The following SLFN12L variants were observed in gnomAD, a reference collection of about 807,000 sequenced individuals.
The protein encoded by SLFN12L is schlafen family member 12-like.
A neutral mutation model predicts 34.8 loss-of-function variants in SLFN12L; 34 were observed. The observed-to-expected ratio is 0.98, with a 90% CI of 0.74 to 1.30. The LOEUF (loss-of-function observed/expected upper bound fraction) is 1.30, where lower values mean the gene tolerates loss of function less well. Ranked by LOEUF, SLFN12L falls within the 50% of genes most tolerant of loss-of-function variation. SLFN12L has a pLI of 0.00. For synonymous variants in SLFN12L, 259 were observed against 247.5 expected (o/e 1.05, Z -0.44); for missense variants, 703 against 696.2 (o/e 1.01, Z -0.11).
chr17:35,498,496 C>T (rs913533609), intron 2 of SLFN12L: 9 of 1,202,186 alleles, frequency 7.5e-6, no homozygotes, highest in East Asian at 2.3e-5. Flanking sequence ...GAAGTGATGC[C>T]TCTCCTTTAT....
intron 1 of SLFN12L, among the ~76,000 whole-genome samples, chr17:35,530,508 GAAAGAAAA>G (rs2072396666): frequency 6.1e-5 from 2 of 32,778 alleles, no homozygotes; most frequent in East Asian, 8.1e-4. Context: ...AAGAAAGAAA[GAAAGAAAA>G]GAAAAGAAAA....
chr17:35,515,554 C>T (rs1217623358), intron 2 of SLFN12L, among the ~76,000 whole-genome samples: 1 of 151,816 alleles, frequency 6.6e-6, no homozygotes. Flanking sequence ...CTGCCACCTG[C>T]GCCTCCCAGA....
chr17:35,508,622 A>G (rs535189820), intron 2 of SLFN12L, among the ~76,000 whole-genome samples: 1 of 152,340 alleles, frequency 6.6e-6, no homozygotes, highest in South Asian at 2.1e-4. Context: ...TGCTGGGACT[A>G]CAGGCATGAG....
At chr17:35,511,088 G>A (rs1248506477) in intron 2 of SLFN12L, among the ~76,000 whole-genome samples, 1 of 152,080 alleles carries the variant, frequency 6.6e-6, no homozygotes, top group African/African-American at 2.4e-5. Flanking sequence ...TGACTGTAAT[G>A]TATACATTTA....
Position 35,480,046 on chromosome 17 carries a change from C to G in SLFN12L, c.236G>C (p.Arg79Thr). The G allele has an allele frequency of 2.5e-6, 4 of 1,614,168 alleles. No individual in the cohort carries two copies. Among genetic ancestry groups the G allele is most frequent in the Non-Finnish European group, 3.4e-6 (4 of 1,180,026 alleles). ...TGAGACATTTTCATTCTGCTGTTTTCTCAGTTGACAATCCTTCATTTTTTT... is the reference window on the plus strand; with the variant it reads ...TGAGACATTTTCATTCTGCTGTTTTGTCAGTTGACAATCCTTCATTTTTTT... ...NRKKMKDCQLRKQQNENVSRA... is the reference protein window; with the variant it reads ...NRKKMKDCQLTKQQNENVSRA... Residue 79 changes from arginine (R) to threonine (T), a missense_variant, in exon 3 of 5, where the codon AGA becomes ACA. Transcript: ENST00000628453.
intron 1 of SLFN12L, among the ~76,000 whole-genome samples, 160 bp downstream of exon 1, chr17:35,537,413 A>G (rs1260760996): frequency 3.3e-5 from 5 of 152,156 alleles, no homozygotes; most frequent in African/African-American, 1.2e-4. Flanking sequence ...GTGTAGACCT[A>G]AAGTGTCTAC....
chr17:35,467,634 T>A lies in SLFN12L; in HGVS notation c.*7289A>T, dbSNP rs1374969255. Among the ~76,000 whole-genome samples the A allele has an allele frequency of 1.3e-5, 2 of 152,100 alleles. No homozygotes were observed. The highest frequency in any genetic ancestry group is 2.9e-5 in the Non-Finnish European group (2 of 68,022). On this transcript the variant is annotated 3_prime_UTR_variant, in exon 5 of 5. Transcript: ENST00000628453. ...TCCAACAAATGGACCTCTCAATGGGTCTTTATCTTGCCCCAGGCCTTAACC... is the reference window on the plus strand; with the variant it reads ...TCCAACAAATGGACCTCTCAATGGGACTTTATCTTGCCCCAGGCCTTAACC...
At chr17:35,506,347 A>T (rs1362387715) in intron 2 of SLFN12L, among the ~76,000 whole-genome samples, 1 of 152,230 alleles carries the variant, frequency 6.6e-6, no homozygotes, top group Admixed American at 6.5e-5. Flanking sequence ...ATAAATGTAG[A>T]TACTGGTCTT....
At chr17:35,535,514 T>C (rs2072451946) in intron 1 of SLFN12L, among the ~76,000 whole-genome samples, 1 of 148,038 alleles carries the variant, frequency 6.8e-6, no homozygotes, top group Admixed American at 6.8e-5. Flanking sequence ...AGCAACAGGG[T>C]CTTGCTCTGT....
In SLFN12L at chr17:35,467,080, G is replaced by A. The variant is rs11869875; in HGVS notation, c.*7843C>T. Among the ~76,000 whole-genome samples the A allele has an allele frequency of 0.3, 45,266 of 152,020 alleles. 6,909 individuals carry two copies. Among genetic ancestry groups the A allele is most frequent in the Middle Eastern group, 0.39 (114 of 294 alleles). On this transcript the variant is annotated 3_prime_UTR_variant, in exon 5 of 5. Transcript: ENST00000628453. The stretch of plus-strand genomic sequence containing the variant: ...ATATTCACACGCAGAAGGGAGTGAC[G>A]TCCCCAGTCCTTGGTCCCTTGCCAG...
intron 2 of SLFN12L, among the ~76,000 whole-genome samples, chr17:35,486,779 G>A (rs1181951862): frequency 6.6e-6 from 1 of 152,102 alleles, no homozygotes; most frequent in Non-Finnish European, 1.5e-5. Flanking sequence ...AGGCTATGTT[G>A]TTGGCTATCT....
chr17:35,509,010 T>C (rs1454382979), intron 2 of SLFN12L, among the ~76,000 whole-genome samples: 1 of 152,192 alleles, frequency 6.6e-6, no homozygotes, highest in East Asian at 1.9e-4. Context: ...CTGGGTATTA[T>C]CTGAAGACTC....
intron 2 of SLFN12L, among the ~76,000 whole-genome samples, chr17:35,518,378 C>T (rs1189009417): frequency 6.6e-6 from 1 of 151,928 alleles, no homozygotes; most frequent in Non-Finnish European, 1.5e-5. Context: ...ACGGTGAAAC[C>T]CCATCTCTAC....
chr17:35,519,346 T>G (rs778671222), intron 2 of SLFN12L, among the ~76,000 whole-genome samples: 2 of 152,124 alleles, frequency 1.3e-5, no homozygotes, highest in Non-Finnish European at 2.9e-5. Context: ...TCCCAGAACT[T>G]AAAGCAAAAT....
intron 2 of SLFN12L, chr17:35,498,376 G>T: frequency 2.7e-6 from 3 of 1,108,708 alleles, no homozygotes; most frequent in Non-Finnish European, 4.2e-6. Context: ...GAATCTCATT[G>T]TGCCGACATA....
At chr17:35,513,915 A>G (rs1190654738) in intron 2 of SLFN12L, among the ~76,000 whole-genome samples, 1 of 152,240 alleles carries the variant, frequency 6.6e-6, no homozygotes, top group Admixed American at 6.5e-5. Context: ...TGGAAATACT[A>G]AGTCAGGCAA....
At chr17:35,525,037 A>C (rs899385259) in intron 1 of SLFN12L, among the ~76,000 whole-genome samples, 6 of 152,074 alleles carry the variant, frequency 3.9e-5, no homozygotes, top group African/African-American at 1.4e-4. Context: ...GCTGAAAAAC[A>C]CAGCACGAGA....
intron 2 of SLFN12L, among the ~76,000 whole-genome samples, chr17:35,491,652 C>T (rs1914843599): frequency 6.6e-6 from 1 of 152,240 alleles, no homozygotes. Context: ...AATAGCATTT[C>T]AAGCCATGCC....
Position 35,479,403 on chromosome 17 carries a change from T to C in SLFN12L, c.879A>G (p.Lys293=). 1.2e-6 allele frequency: 2 copies of C among 1,612,686 alleles called. No individual in the cohort carries two copies. The highest frequency in any genetic ancestry group is 1.7e-6 in the Non-Finnish European group (2 of 1,179,094). The change falls in exon 3 of 5, where the codon AAA becomes AAG. Residue 293 remains lysine (K), a synonymous_variant. Coordinates refer to ENST00000628453, the MANE Select transcript of SLFN12L (RefSeq NM_001363830.2). ...ACTTAGTAAGATAACTCTTCTCTGC[T>C]TTAAAGCCAATTACTTCTTTATCTT... is the stretch of plus-strand genomic sequence containing the variant. ...LNEDKEVIGF[K]AEKSYLTKLE...
Sources: allele counts gnomAD v4.1 joint callset (sites outside exome capture counted in the v4.1 genomes callset), GRCh38; gene constraint gnomAD v4.1.1; transcripts MANE v1.5; gene names NCBI Gene and HGNC (gene_info 2026-07-23, HGNC 2026-07-21).